The following ETV3L variants were observed in gnomAD, a reference collection of about 807,000 sequenced individuals.
ETV3L encodes the protein ETS translocation variant 3-like protein.
Under a neutral mutation model 27.6 loss-of-function variants are expected in ETV3L, and 30 were observed. The observed-to-expected ratio is 1.09, with a 90% CI of 0.81 to 1.48. The LOEUF (loss-of-function observed/expected upper bound fraction) is 1.48. Among genes scored for constraint, ETV3L ranks in the 40% most tolerant of loss-of-function variants. The probability of loss-of-function intolerance (pLI) is 0.00; values close to 1 mark genes in which losing one functional copy is unlikely to be tolerated. For synonymous variants in ETV3L, 186 were observed against 188.9 expected (o/e 0.98, Z 0.12); for missense variants, 443 against 455.6 (o/e 0.97, Z 0.25).
In ETV3L at chr1:157,098,756, C is replaced by A. The variant is rs548190247; in HGVS notation, c.436G>T (p.Ala146Ser). The A allele has an allele frequency of 6.2e-7, 1 of 1,612,778 alleles. No homozygotes were observed. The highest frequency in any genetic ancestry group is 8.5e-7 in the Non-Finnish European group (1 of 1,179,478). The change falls in exon 3 of 5, where the codon GCC becomes TCC. Residue 146 changes from alanine to serine, a missense_variant. Physicochemically the swap from Ala to Ser is moderately conservative, Grantham distance 99. Coordinates refer to ENST00000454449, the MANE Select transcript of ETV3L (RefSeq NM_001004341.2). ...APPSPHLLLG[A>S]PALCRPALVP... Reference sequence around the variant, plus strand: ...AGCGCTGGCCGACACAGGGCAGGGGCCCCCAGCAGCAAGTGGGGGGATGGC... The same window carrying A: ...AGCGCTGGCCGACACAGGGCAGGGGACCCCAGCAGCAAGTGGGGGGATGGC...
At position 157,098,836 on chromosome 1, in the gene ETV3L, A is replaced by T. The variant is rs1379295870; in HGVS notation, c.356T>A (p.Phe119Tyr). 6.2e-7 allele frequency: 1 copy of T among 1,614,018 alleles called. No homozygotes were observed. Among genetic ancestry groups the T allele is most frequent in the Admixed American group, 1.7e-5 (1 of 59,992 alleles). ...KTKGKRFTYK[F>Y]NFSKLIVVNY... is the part of the protein sequence containing the mutation. ...GACTACGATGAGCTTGCTGAAGTTG[A>T]ACTTGTATGTGAACCTTTTGCCTTT... The change falls in exon 3 of 5, where the codon TTC becomes TAC. Residue 119 changes from phenylalanine (F) to tyrosine (Y), a missense_variant. Physicochemically the swap from Phe to Tyr is conservative, Grantham distance 22. Coordinates refer to ENST00000454449, the MANE Select transcript of ETV3L (RefSeq NM_001004341.2).
In ETV3L at chr1:157,092,804, C is replaced by G. The variant is rs1170905012; in HGVS notation, c.931G>C (p.Glu311Gln). ...TCCATCATGGGAGCAGGCTTTACTT[C>G]CAGCCCCTCGGGCCTGAGGGACAAG... ...WLLSLRPEGL[E>Q]VKPAPMMEAK... Residue 311 changes from glutamate (E) to glutamine (Q), a missense_variant, in exon 5 of 5, where the codon GAA becomes CAA. Coordinates refer to ENST00000454449, the MANE Select transcript of ETV3L (RefSeq NM_001004341.2). The G allele has an allele frequency of 6.2e-7, 1 of 1,614,186 alleles. No individual in the cohort carries two copies. Among genetic ancestry groups the G allele is most frequent in the Admixed American group, 1.7e-5 (1 of 60,016 alleles).
rs1674255079 is a variant in ETV3L at position 157,097,630 on chromosome 1, A to G, written c.607+238T>C. ...ACCTAGTGCTTACCTGAATGCCAGC[A>G]GCAGTCGCTGGCAGTAATCCCATCT... On this transcript the variant is annotated intron_variant, in intron 4 of 4. Coordinates refer to ENST00000454449, the MANE Select transcript of ETV3L (RefSeq NM_001004341.2). Among the ~76,000 whole-genome samples the G allele has an allele frequency of 2.0e-5, 3 of 152,344 alleles. No individual in the cohort carries two copies. In the South Asian group the frequency reaches 6.2e-4, roughly 32 times the overall value.
At chr1:157,099,087 G>T (rs1168399896) in intron 2 of ETV3L, 54 bp downstream of exon 2, 1 of 1,601,826 alleles carries the variant, frequency 6.2e-7, no homozygotes, top group South Asian at 1.1e-5. Context: ...CAGAAACCAC[G>T]GCCCTTTTCC....
rs1674303257 is a variant in ETV3L at position 157,099,544 on chromosome 1, G to A, written c.-21C>T. 1 of 1,596,704 alleles carries A rather than the reference G, an allele frequency of 6.3e-7. No homozygotes were observed. ...TGCATGGTCCACTCCGGCGAGATGGGCTGTGTCTGGGCCTTGGGGAAATGG... is the reference window on the plus strand; with the variant it reads ...TGCATGGTCCACTCCGGCGAGATGGACTGTGTCTGGGCCTTGGGGAAATGG... On this transcript the variant is annotated 5_prime_UTR_variant, in exon 1 of 5. Coordinates refer to ENST00000454449, the MANE Select transcript of ETV3L (RefSeq NM_001004341.2).
rs771528327 is a variant in ETV3L at position 157,099,484 on chromosome 1, G to A, written c.40C>T (p.Pro14Ser). The change falls in exon 1 of 5, where the codon CCC becomes TCC. Residue 14 changes from proline (P) to serine (S), a missense_variant. Transcript: ENST00000454449. ...GGCTCACCTGAGATCCAGTTGCCGG[G>A]GTTGGCTGGGATGCCCTCAGCCAAG... is the stretch of plus-strand genomic sequence containing the variant. ...SCLAEGIPAN[P>S]GNWISGLAFP... 9.3e-6 allele frequency: 15 copies of A among 1,613,466 alleles called. No homozygotes were observed. The highest frequency in any genetic ancestry group is 1.1e-5 in the Non-Finnish European group (13 of 1,179,840).
intron 4 of ETV3L, among the ~76,000 whole-genome samples, chr1:157,095,510 G>T (rs1179231822): frequency 6.6e-6 from 1 of 152,036 alleles, no homozygotes; most frequent in African/African-American, 2.4e-5. Flanking sequence ...CACTCCAAGT[G>T]GGGCTTGGGA....
At chr1:157,098,577 C>T in intron 3 of ETV3L, 129 bp downstream of exon 3, 1 of 881,568 alleles carries the variant, frequency 1.1e-6, no homozygotes, top group South Asian at 1.9e-5. Flanking sequence ...CACTCAGGGT[C>T]TAGGATGCAG....
At position 157,096,140 on chromosome 1, in the gene ETV3L, C is replaced by T. The variant is rs542310364; in HGVS notation, c.607+1728G>A. Among the ~76,000 whole-genome samples, 8 of 152,266 alleles carry T rather than the reference C, an allele frequency of 5.3e-5. No homozygotes were observed. The East Asian group carries it at 1.2e-3, about 22-fold the overall frequency. On this transcript the variant is annotated intron_variant, in intron 4 of 4. Transcript: ENST00000454449. ...CCATTGCACACACTATTCTCTCGCT[C>T]GCCATGCTCTCCCTACTCCCTCTGA...
intron 4 of ETV3L, among the ~76,000 whole-genome samples, chr1:157,097,520 G>A (rs1362226005): frequency 1.3e-5 from 2 of 150,898 alleles, no homozygotes; most frequent in Non-Finnish European, 2.9e-5. Flanking sequence ...CCTCTGCTTA[G>A]GCATCTTTTC....
intron 2 of ETV3L, 118 bp from the exon 3 acceptor site, chr1:157,099,013 A>G: frequency 6.7e-7 from 1 of 1,489,010 alleles, no homozygotes. Context: ...GAGAACCACT[A>G]GGCTGCTCAC....
chr1:157,093,346 C>T (rs1476661228), intron 4 of ETV3L, among the ~76,000 whole-genome samples: 5 of 152,172 alleles, frequency 3.3e-5, no homozygotes, highest in Admixed American at 6.5e-5. Flanking sequence ...AAACGATCCT[C>T]CCACCTCAGC....
chr1:157,094,621 T>C (rs1389702753), intron 4 of ETV3L, among the ~76,000 whole-genome samples: 3 of 152,024 alleles, frequency 2.0e-5, no homozygotes, highest in Non-Finnish European at 2.9e-5. Context: ...GAATAAAAAC[T>C]GGAAAAACAG....
intron 4 of ETV3L, among the ~76,000 whole-genome samples, chr1:157,093,869 A>G (rs1674170308): frequency 6.6e-6 from 1 of 152,134 alleles, no homozygotes. Flanking sequence ...AGCCTAGGCG[A>G]GAGTGCCTGC....
intron 4 of ETV3L, among the ~76,000 whole-genome samples, chr1:157,094,278 C>T (rs111566583): frequency 0.021 from 3,205 of 152,246 alleles, 53 homozygotes; most frequent in Non-Finnish European, 0.028. Flanking sequence ...AAGAAGAGGC[C>T]CTGCAGAGTG....
In ETV3L at chr1:157,097,970, A is replaced by G; in HGVS notation, c.505T>C (p.Phe169Leu). ...VQSELLHSML[F>L]AHQAMVEQLT... ...TGCTCCACCATGGCCTGATGGGCAA[A>G]TAGCATGCTGTGCAGGAGCTGAGGG... Residue 169 changes from phenylalanine to leucine, a missense_variant, in exon 4 of 5, where the codon TTT (phenylalanine) becomes CTT (leucine). Phe to Leu is a conservative substitution (Grantham distance 22). Coordinates refer to ENST00000454449, the MANE Select transcript of ETV3L (RefSeq NM_001004341.2). The G allele has an allele frequency of 6.2e-7, 1 of 1,612,036 alleles. No homozygotes were observed.
intron 4 of ETV3L, among the ~76,000 whole-genome samples, chr1:157,097,064 C>G (rs1674238438): frequency 6.6e-6 from 1 of 152,126 alleles, no homozygotes; most frequent in Non-Finnish European, 1.5e-5. Context: ...CCTTGCCAGC[C>G]CTGTCTCTCA....
At position 157,098,907 on chromosome 1, in the gene ETV3L, G is replaced by C. The variant is rs371229211; in HGVS notation, c.297-12C>G. ...TATTGTAGTAATATCTGGAGAATTCGAAGTTGAGAATAGAGTTGGCCCAGC... is the reference window on the plus strand; with the variant it reads ...TATTGTAGTAATATCTGGAGAATTCCAAGTTGAGAATAGAGTTGGCCCAGC... On this transcript the variant is annotated splice_polypyrimidine_tract_variant and intron_variant, in intron 2 of 4. Transcript: ENST00000454449. 2.2e-5 allele frequency: 35 copies of C among 1,603,558 alleles called. 1 individual carries two copies. In the Middle Eastern group the frequency reaches 6.7e-4, roughly 31 times the overall value.
chr1:157,096,496 T>C (rs1237519044), intron 4 of ETV3L, among the ~76,000 whole-genome samples: 2 of 152,198 alleles, frequency 1.3e-5, no homozygotes, highest in African/African-American at 2.4e-5. Context: ...CTGAGCCTCC[T>C]TCTTCATCCC....
Sources: allele counts gnomAD v4.1 joint callset (sites outside exome capture counted in the v4.1 genomes callset), GRCh38; gene constraint gnomAD v4.1.1; transcripts MANE v1.5; gene names NCBI Gene and HGNC (gene_info 2026-07-23, HGNC 2026-07-21).